SEMA3D: variants seen among roughly 807,000 people sequenced by gnomAD.
The protein encoded by SEMA3D is semaphorin-3D.
In SEMA3D, 84 loss-of-function variants were observed where a neutral mutation model predicts 100.1. The observed-to-expected ratio is 0.84, with a 90% CI of 0.70 to 1.01. SEMA3D has a LOEUF of 1.01. Ranked by LOEUF, SEMA3D falls within the 50% of genes least tolerant of loss-of-function variation. The pLI, the probability that SEMA3D is intolerant of heterozygous loss-of-function variation, is 0.00. For synonymous variants in SEMA3D, 312 were observed against 320.7 expected, an observed-to-expected ratio of 0.97 and a Z score of 0.29; for missense variants, 875 against 934.1, an observed-to-expected ratio of 0.94 and a Z score of 0.82.
intron 17 of SEMA3D, among the ~76,000 whole-genome samples, chr7:85,007,781 A>G (rs1047155503): frequency 6.6e-6 from 1 of 151,754 alleles, no homozygotes; most frequent in African/African-American, 2.4e-5. Context: ...CAGATATCTC[A>G]ATTTTACAGA....
intron 2 of SEMA3D, chr7:85,142,149 TGCTGAAAAGGACAATTC>T (rs957680376): frequency 3.7e-5 from 36 of 984,802 alleles, no homozygotes; most frequent in Middle Eastern, 5.2e-4. Context: ...ATATCAACAT[TGCTGAAAAGGACAATTC>T]GCTCAGTGTC....
chr7:85,116,441 A>G (rs2116385138), intron 3 of SEMA3D, among the ~76,000 whole-genome samples: 1 of 147,682 alleles, frequency 6.8e-6, no homozygotes, highest in East Asian at 2.0e-4. Context: ...ACATATGTAT[A>G]TACATATATA....
At chr7:85,079,966 G>A (rs1163373721) in intron 5 of SEMA3D, among the ~76,000 whole-genome samples, 1 of 152,184 alleles carries the variant, frequency 6.6e-6, no homozygotes, top group Non-Finnish European at 1.5e-5. Context: ...AAAGCCGTGG[G>A]AGGAGAAGAA....
intron 12 of SEMA3D, chr7:85,029,422 G>T: frequency 1.3e-6 from 1 of 796,004 alleles, no homozygotes; most frequent in South Asian, 1.3e-5. Flanking sequence ...TGCTGAAGAT[G>T]AGAAACTTCA....
intron 12 of SEMA3D, among the ~76,000 whole-genome samples, chr7:85,035,167 A>C (rs758790830): frequency 7.3e-5 from 11 of 151,604 alleles, no homozygotes; most frequent in Admixed American, 3.3e-4. Flanking sequence ...AGGATTATAT[A>C]TCATATATCC....
chr7:85,182,293 C>A (rs1318847489), intron 1 of SEMA3D, among the ~76,000 whole-genome samples: 6 of 152,094 alleles, frequency 3.9e-5, no homozygotes, highest in Non-Finnish European at 8.8e-5. Context: ...AACTCCCAGT[C>A]TCTCACAATT....
At chr7:85,105,059 G>C (rs1266779189) in intron 3 of SEMA3D, among the ~76,000 whole-genome samples, 2 of 152,024 alleles carry the variant, frequency 1.3e-5, no homozygotes, top group Non-Finnish European at 2.9e-5. Context: ...GGAAATAGCA[G>C]TTTTATCAGT....
At chr7:85,177,233 A>C (rs1306098395) in intron 1 of SEMA3D, among the ~76,000 whole-genome samples, 1 of 152,204 alleles carries the variant, frequency 6.6e-6, no homozygotes, top group East Asian at 1.9e-4. Flanking sequence ...GGGAGATAGT[A>C]AGATGGTAGC....
intron 18 of SEMA3D, among the ~76,000 whole-genome samples, chr7:85,001,200 C>T (rs2286184): frequency 0.19 from 28,870 of 152,120 alleles, 3,386 homozygotes; most frequent in East Asian, 0.45. Context: ...AAAGGCAGGT[C>T]ACAGCTCAGA....
chr7:85,037,049 A>G lies in SEMA3D; in HGVS notation c.1047-16T>C, dbSNP rs370597054. 1 of 1,608,448 alleles carries G rather than the reference A, an allele frequency of 6.2e-7. No individual in the cohort carries two copies. On this transcript the variant is annotated splice_polypyrimidine_tract_variant and intron_variant, in intron 11 of 18. Transcript: ENST00000284136. The stretch of plus-strand genomic sequence containing the variant: ...GAAGATGGAGCTGGAAAAAAAAAGC[A>G]TCATCATTCAATCATTCACTGATGA...
the SEMA3D span, among the ~76,000 whole-genome samples, chr7:85,213,061 G>C: frequency 6.6e-6 from 1 of 151,974 alleles, no homozygotes; most frequent in Non-Finnish European, 1.5e-5. Flanking sequence ...TTTAGGAATT[G>C]TTACTGCTAG....
chr7:85,187,989 G>A (rs1791610525), upstream of SEMA3D, among the ~76,000 whole-genome samples: 1 of 152,124 alleles, frequency 6.6e-6, no homozygotes, highest in Admixed American at 6.5e-5. Context: ...GTAGAGACAT[G>A]GAAAGCAAGC....
intron 1 of SEMA3D, among the ~76,000 whole-genome samples, chr7:85,173,835 T>C (rs909687744): frequency 1.3e-5 from 2 of 152,148 alleles, no homozygotes; most frequent in Non-Finnish European, 2.9e-5. Flanking sequence ...AGAGCTAGTA[T>C]CTGGACCCAG....
intron 12 of SEMA3D, among the ~76,000 whole-genome samples, chr7:85,025,045 T>C (rs926530336): frequency 6.6e-6 from 1 of 152,052 alleles, no homozygotes; most frequent in Admixed American, 6.6e-5. Flanking sequence ...AATTCTCCTA[T>C]GGCAGCTATA....
At chr7:85,124,998 A>G (rs1262284977) in intron 2 of SEMA3D, among the ~76,000 whole-genome samples, 1 of 151,990 alleles carries the variant, frequency 6.6e-6, no homozygotes, top group Non-Finnish European at 1.5e-5. Context: ...ATTATTAGCA[A>G]AGCGCTGATA....
chr7:85,028,014 C>T (rs570051322), intron 12 of SEMA3D: 79 of 573,964 alleles, frequency 1.4e-4, no homozygotes, highest in African/African-American at 1.1e-3. Context: ...TCCAATGAAC[C>T]GTGCCAGCAT....
intron 12 of SEMA3D, among the ~76,000 whole-genome samples, chr7:85,033,180 C>A (rs1312726812): frequency 6.6e-6 from 1 of 152,038 alleles, no homozygotes; most frequent in African/African-American, 2.4e-5. Flanking sequence ...TAATTTTGAA[C>A]TTTTCAAGAC....
intron 2 of SEMA3D, among the ~76,000 whole-genome samples, chr7:85,132,476 G>C (rs905087209): frequency 6.6e-6 from 1 of 151,860 alleles, no homozygotes; most frequent in Non-Finnish European, 1.5e-5. Flanking sequence ...AGCATACCAA[G>C]AGTTGAAGTT....
At chr7:85,055,941 C>T (rs966468904) in intron 8 of SEMA3D, 82 bp from the exon 9 acceptor site, 1 of 716,800 alleles carries the variant, frequency 1.4e-6, no homozygotes, top group Non-Finnish European at 2.2e-6. Flanking sequence ...CACGTAAAAG[C>T]AATTAGCAGT....
Sources: gnomAD v4.1 joint callset for allele counts (sites outside exome capture counted in the v4.1 genomes callset) on GRCh38, gnomAD v4.1.1 for gene constraint, MANE v1.5 for transcripts, NCBI Gene and HGNC (gene_info 2026-07-23, HGNC 2026-07-21) for gene names.